The following RTN4RL1 variants were observed in gnomAD, a reference collection of about 807,000 sequenced individuals.
RTN4RL1 encodes the protein reticulon-4 receptor-like 1.
RTN4RL1 carries 7 observed loss-of-function variants against 25.6 expected under a neutral mutation model. The observed-to-expected ratio is 0.27, with a 90% CI of 0.16 to 0.51. RTN4RL1 has a LOEUF of 0.51. Among genes scored for constraint, RTN4RL1 ranks in the 20% least tolerant of loss-of-function variants. RTN4RL1 has a pLI of 0.97. For missense variants in RTN4RL1, 500 were observed against 615.6 expected, an observed-to-expected ratio of 0.81 and a Z score of 1.99; for synonymous variants, 297 against 288.2, an observed-to-expected ratio of 1.03 and a Z score of -0.31.
At chr17:1,961,501 G>T (rs892119037) in intron 1 of RTN4RL1, among the ~76,000 whole-genome samples, 1 of 152,120 alleles carries the variant, frequency 6.6e-6, no homozygotes, top group East Asian at 1.9e-4. Context: ...TTTAACACAG[G>T]TCTGGGAGTT....
chr17:1,996,914 G>T (rs1202916606), intron 1 of RTN4RL1, among the ~76,000 whole-genome samples: 1 of 152,190 alleles, frequency 6.6e-6, no homozygotes, highest in East Asian at 1.9e-4. Context: ...ATTCCTGGTT[G>T]CTGGGGGCCC....
chr17:1,946,614 G>A (rs1023131740), intron 1 of RTN4RL1, among the ~76,000 whole-genome samples: 5 of 123,348 alleles, frequency 4.1e-5, no homozygotes, highest in Non-Finnish European at 7.1e-5. Flanking sequence ...TTGAATGTGT[G>A]TCTGTGTGCA....
At chr17:1,954,511 C>A (rs1915749342) in intron 1 of RTN4RL1, among the ~76,000 whole-genome samples, 1 of 151,940 alleles carries the variant, frequency 6.6e-6, no homozygotes, top group Non-Finnish European at 1.5e-5. Context: ...CCTCAGCCTC[C>A]CAAGTAGCTG....
intron 1 of RTN4RL1, among the ~76,000 whole-genome samples, chr17:1,968,154 A>T (rs1379112051): frequency 6.6e-6 from 1 of 151,994 alleles, no homozygotes; most frequent in Non-Finnish European, 1.5e-5. Flanking sequence ...GATTCCCCTG[A>T]TCTCAGCACT....
chr17:2,021,551 CT>C (rs767770637), intron 1 of RTN4RL1, among the ~76,000 whole-genome samples: 1,589 of 106,148 alleles, frequency 0.015, 4 homozygotes, highest in African/African-American at 0.025. Flanking sequence ...CATCCTATAC[CT>C]TTTTTTTTTT....
Position 1,992,828 on chromosome 17 carries a change from G to A in RTN4RL1, c.13+32025C>T, listed in dbSNP as rs752569521. Reference sequence around the variant, plus strand: ...CCATCGTCGCCCACGTGTGTCCTACGCCTGCTGACGATGGCTGCCACAGCA... The same window carrying A: ...CCATCGTCGCCCACGTGTGTCCTACACCTGCTGACGATGGCTGCCACAGCA... On this transcript the variant is annotated intron_variant, in intron 1 of 1. Transcript: ENST00000331238. Among the ~76,000 whole-genome samples the A allele has an allele frequency of 1.3e-4, 20 of 152,182 alleles. 1 individual carries two copies. The highest frequency in any genetic ancestry group is 2.6e-4 in the Non-Finnish European group (18 of 68,034).
At chr17:2,020,355 C>T (rs2067185101) in intron 1 of RTN4RL1, 1 of 152,194 alleles carries the variant, frequency 6.6e-6, no homozygotes, top group Non-Finnish European at 1.5e-5. Context: ...ATTACTATAG[C>T]TCCAAGTCTT....
chr17:1,956,021 T>G (rs1022811959), intron 1 of RTN4RL1, among the ~76,000 whole-genome samples: 1 of 152,146 alleles, frequency 6.6e-6, no homozygotes, highest in African/African-American at 2.4e-5. Context: ...CCTTTTTATA[T>G]GGAGCTATAT....
intron 1 of RTN4RL1, among the ~76,000 whole-genome samples, chr17:2,023,359 G>T (rs1448016037): frequency 6.6e-6 from 1 of 152,216 alleles, no homozygotes; most frequent in African/African-American, 2.4e-5. Context: ...AACCTGGGGT[G>T]TGTCTGCGAA....
intron 1 of RTN4RL1, among the ~76,000 whole-genome samples, chr17:2,015,277 G>A (rs909989788): frequency 2.6e-5 from 4 of 152,164 alleles, no homozygotes; most frequent in Non-Finnish European, 5.9e-5. Context: ...GCCATGATGG[G>A]GAAATTGCGG....
chr17:1,947,968 C>T (rs959876373), intron 1 of RTN4RL1, among the ~76,000 whole-genome samples: 19 of 152,166 alleles, frequency 1.2e-4, no homozygotes, highest in South Asian at 1.0e-3. Flanking sequence ...CTCCCTAAGC[C>T]GTGATGATTA....
chr17:1,939,504 C>T (rs1307963142), intron 1 of RTN4RL1, among the ~76,000 whole-genome samples: 1 of 152,100 alleles, frequency 6.6e-6, no homozygotes, highest in African/African-American at 2.4e-5. Context: ...CTGCCCCAAT[C>T]CCGGCCCACC....
At chr17:2,017,285 T>A (rs16951828) in intron 1 of RTN4RL1, among the ~76,000 whole-genome samples, 4,217 of 152,290 alleles carry the variant, frequency 0.028, 200 homozygotes, top group African/African-American at 0.097. Flanking sequence ...GAAAGACCCT[T>A]GCTCACGTAG....
chr17:1,964,291 T>C (rs1028517769), intron 1 of RTN4RL1, among the ~76,000 whole-genome samples: 2 of 152,208 alleles, frequency 1.3e-5, no homozygotes, highest in Admixed American at 6.5e-5. Flanking sequence ...TTTGGTTAAA[T>C]ATAAAAATAT....
Position 1,994,091 on chromosome 17 carries a change from A to T in RTN4RL1, c.13+30762T>A, listed in dbSNP as rs1327282024. On this transcript the variant is annotated intron_variant, in intron 1 of 1. Transcript: ENST00000331238. The surrounding 1 kb of genome is among the most constrained non-coding windows in gnomAD (Gnocchi z 4.3). ...CCGTTCCTCAGGACACGTGCACTCGAACCTCGCCGCTCCGGGTCCCAATCT... is the reference window on the plus strand; with the variant it reads ...CCGTTCCTCAGGACACGTGCACTCGTACCTCGCCGCTCCGGGTCCCAATCT... Among the ~76,000 whole-genome samples the T allele has an allele frequency of 7.2e-5, 11 of 152,026 alleles. No homozygotes were observed. Among genetic ancestry groups the T allele is most frequent in the Admixed American group, 7.2e-4 (11 of 15,250 alleles).
intron 1 of RTN4RL1, among the ~76,000 whole-genome samples, chr17:2,007,999 A>G (rs1446715843): frequency 6.6e-6 from 1 of 151,756 alleles, no homozygotes; most frequent in Non-Finnish European, 1.5e-5. Context: ...TAGGCCAGGC[A>G]TGGTGGCTCA....
chr17:1,971,542 G>A (rs946749292), intron 1 of RTN4RL1, among the ~76,000 whole-genome samples: 2 of 152,156 alleles, frequency 1.3e-5, no homozygotes, highest in African/African-American at 2.4e-5. Flanking sequence ...GCAAAGCCAC[G>A]TACTTGGCTG....
At chr17:1,950,164 G>A (rs1915643476) in intron 1 of RTN4RL1, among the ~76,000 whole-genome samples, 1 of 152,174 alleles carries the variant, frequency 6.6e-6, no homozygotes, top group Non-Finnish European at 1.5e-5. Context: ...GAGTTGGGGG[G>A]GAGCAAGGAG....
At chr17:1,999,094 T>TCACA (rs59609042) in intron 1 of RTN4RL1, among the ~76,000 whole-genome samples, 79,960 of 147,084 alleles carry the variant, frequency 0.54, 22,113 homozygotes, top group Admixed American at 0.62. Context: ...ACATGCGCGA[T>TCACA]CACACACACA....
Sources: allele counts gnomAD v4.1 joint callset (sites outside exome capture counted in the v4.1 genomes callset), GRCh38; gene constraint gnomAD v4.1.1; non-coding constraint Gnocchi (gnomAD v3.1); transcripts MANE v1.5; gene names NCBI Gene and HGNC (gene_info 2026-07-23, HGNC 2026-07-21).